Variants in TRABD2B observed in about 807,000 individuals in gnomAD.
TRABD2B encodes the protein TraB domain containing 2B.
In TRABD2B, 14 loss-of-function variants were observed where a neutral mutation model predicts 40.1. The observed-to-expected ratio is 0.35, with a 90% confidence interval of 0.23 to 0.55. TRABD2B has a LOEUF of 0.55. Ranked by LOEUF, TRABD2B falls within the 20% of genes least tolerant of loss-of-function variation. The probability of loss-of-function intolerance (pLI) is 0.90; values close to 1 mark genes in which losing one functional copy is unlikely to be tolerated. For synonymous variants in TRABD2B, 263 were observed against 277.0 expected, an observed-to-expected ratio of 0.95 and a Z score of 0.50; for missense variants, 541 against 648.6, an observed-to-expected ratio of 0.83 and a Z score of 1.80.
intron 4 of TRABD2B, among the ~76,000 whole-genome samples, chr1:47,783,453 A>T (rs544188732): frequency 1.3e-5 from 2 of 152,188 alleles, no homozygotes; most frequent in African/African-American, 4.8e-5. Context: ...TCATGTATCC[A>T]GTCATGTATC....
At chr1:47,831,073 G>GTTGCTGGA (rs4031117) in intron 2 of TRABD2B, among the ~76,000 whole-genome samples, 2 of 152,036 alleles carry the variant, frequency 1.3e-5, no homozygotes, top group Non-Finnish European at 2.9e-5. Flanking sequence ...GTCCTTGGTT[G>GTTGCTGGA]CCACGTGTCC....
chr1:47,967,298 C>T (rs1645617333), intron 2 of TRABD2B, among the ~76,000 whole-genome samples: 1 of 151,682 alleles, frequency 6.6e-6, no homozygotes, highest in African/African-American at 2.4e-5. Context: ...TTATCCACCC[C>T]TCACTATGTA....
intron 2 of TRABD2B, among the ~76,000 whole-genome samples, chr1:47,963,826 A>G (rs1645558590): frequency 6.6e-6 from 1 of 152,236 alleles, no homozygotes; most frequent in Non-Finnish European, 1.5e-5. Context: ...GAAAGGGAAC[A>G]GAAAAAGAAC....
intron 6 of TRABD2B, among the ~76,000 whole-genome samples, chr1:47,773,933 T>C (rs928145040): frequency 1.3e-5 from 2 of 152,228 alleles, no homozygotes; most frequent in South Asian, 2.1e-4. Flanking sequence ...CATTTTGGCA[T>C]TGGCTCTGAG....
At chr1:47,878,037 G>A (rs1644248990) in intron 2 of TRABD2B, among the ~76,000 whole-genome samples, 2 of 151,820 alleles carry the variant, frequency 1.3e-5, no homozygotes, top group South Asian at 2.1e-4. Flanking sequence ...GTTTGTGGTC[G>A]GGCACGGTGG....
At chr1:47,801,411 C>A in intron 3 of TRABD2B, 62 bp downstream of exon 3, 1 of 1,470,490 alleles carries the variant, frequency 6.8e-7, no homozygotes, top group African/African-American at 1.4e-5. Context: ...ATTACCTATG[C>A]CTGGCACGTC....
At chr1:47,948,145 G>C (rs541028983) in intron 2 of TRABD2B, among the ~76,000 whole-genome samples, 1 of 152,152 alleles carries the variant, frequency 6.6e-6, no homozygotes, top group South Asian at 2.1e-4. Context: ...TAAAATCTTA[G>C]GGTCAAAGAT....
chr1:47,875,674 C>CAA lies in TRABD2B; in HGVS notation c.667-74057_667-74056dup, dbSNP rs10541556. Among the ~76,000 whole-genome samples the CAA allele has an allele frequency of 5.7e-4, 43 of 75,924 alleles. No homozygotes were observed. In the East Asian group the frequency reaches 7.2e-3, roughly 13 times the overall value. The allele number at this position is 75,924 out of a possible 152,430, so 49.8% of individuals were successfully genotyped here. On this transcript the variant is annotated intron_variant, in intron 2 of 6. Coordinates refer to ENST00000606738, the MANE Select transcript of TRABD2B (RefSeq NM_001194986.2). ...TGCACAACAGAGTGAAACCCTGTCT[C>CAA]AAAAAAAAAAAAAAAAAAAAAAAAA...
intron 5 of TRABD2B, among the ~76,000 whole-genome samples, chr1:47,777,865 C>T (rs1308399087): frequency 1.3e-5 from 2 of 152,172 alleles, no homozygotes; most frequent in Non-Finnish European, 2.9e-5. Flanking sequence ...TGAGCTGGTC[C>T]CTACCCTCGG....
intron 2 of TRABD2B, among the ~76,000 whole-genome samples, chr1:47,847,013 G>A (rs1038938910): frequency 3.9e-5 from 6 of 152,112 alleles, no homozygotes; most frequent in African/African-American, 1.4e-4. Flanking sequence ...ATGGTGTGCA[G>A]GGATCCTCCC....
At chr1:47,845,115 A>C (rs1645451117) in intron 2 of TRABD2B, among the ~76,000 whole-genome samples, 1 of 152,090 alleles carries the variant, frequency 6.6e-6, no homozygotes, top group Non-Finnish European at 1.5e-5. Context: ...CGTGCTCGTG[A>C]CCAGCTTTGG....
chr1:47,979,585 T>A (rs1414125590), intron 2 of TRABD2B, among the ~76,000 whole-genome samples: 1 of 151,986 alleles, frequency 6.6e-6, no homozygotes, highest in Non-Finnish European at 1.5e-5. Flanking sequence ...CCAAGGATCC[T>A]CCCATCCCCC....
chr1:47,965,464 G>A (rs2148413471), intron 2 of TRABD2B, among the ~76,000 whole-genome samples: 1 of 151,934 alleles, frequency 6.6e-6, no homozygotes, highest in African/African-American at 2.4e-5. Flanking sequence ...CAGAGGGAGG[G>A]CAAACCAGAT....
intron 2 of TRABD2B, among the ~76,000 whole-genome samples, chr1:47,972,172 T>G (rs1447681089): frequency 6.6e-6 from 1 of 152,202 alleles, no homozygotes; most frequent in Non-Finnish European, 1.5e-5. Context: ...AATTCAAGTC[T>G]TTCTTCGGGA....
chr1:47,846,555 G>A (rs1645472555), intron 2 of TRABD2B, among the ~76,000 whole-genome samples: 1 of 152,142 alleles, frequency 6.6e-6, no homozygotes, highest in South Asian at 2.1e-4. Context: ...TGAGGTGCTG[G>A]GGAGGTTGAG....
chr1:47,781,789 C>T (rs535122426), intron 4 of TRABD2B, among the ~76,000 whole-genome samples: 2 of 152,308 alleles, frequency 1.3e-5, no homozygotes, highest in African/African-American at 2.4e-5. Flanking sequence ...CTGTGTAATG[C>T]GGTTCCTGCG....
intron 2 of TRABD2B, among the ~76,000 whole-genome samples, chr1:47,923,360 C>T (rs991107948): frequency 4.6e-5 from 7 of 152,188 alleles, no homozygotes; most frequent in African/African-American, 1.7e-4. Context: ...ATGGGTGTGA[C>T]TTGGTGGACG....
At chr1:47,785,198 T>A (rs1490156079) in intron 4 of TRABD2B, among the ~76,000 whole-genome samples, 1 of 152,128 alleles carries the variant, frequency 6.6e-6, no homozygotes, top group African/African-American at 2.4e-5. Flanking sequence ...CCCTCCTCCA[T>A]GACATTCTGA....
At chr1:47,961,460 C>T (rs1000197412) in intron 2 of TRABD2B, among the ~76,000 whole-genome samples, 1 of 152,114 alleles carries the variant, frequency 6.6e-6, no homozygotes. Flanking sequence ...TACAATCTAC[C>T]CATCTGACAC....
Sources: gnomAD v4.1 joint callset for allele counts (sites outside exome capture counted in the v4.1 genomes callset) on GRCh38, gnomAD v4.1.1 for gene constraint, MANE v1.5 for transcripts, NCBI Gene and HGNC (gene_info 2026-07-23, HGNC 2026-07-21) for gene names.